BIRC6: variants seen among roughly 807,000 people sequenced by gnomAD.
BIRC6 encodes the protein dual E2 ubiquitin-conjugating enzyme/E3 ubiquitin-protein ligase BIRC6.
Under a neutral mutation model 503.3 loss-of-function variants are expected in BIRC6, and 98 were observed. The observed-to-expected ratio is 0.19, with a 90% CI of 0.17 to 0.23. BIRC6 has a LOEUF of 0.23. Among genes scored for constraint, BIRC6 ranks in the 10% least tolerant of loss-of-function variants. The pLI is 1.00. For synonymous variants in BIRC6, 2,240 were observed against 2,078.7 expected (o/e 1.08, Z -2.11); for missense variants, 5,360 against 5,806.0 (o/e 0.92, Z 2.50).
chr2:32,508,808 G>A (rs2149578238), intron 51 of BIRC6, among the ~76,000 whole-genome samples: 1 of 152,284 alleles, frequency 6.6e-6, no homozygotes, highest in East Asian at 1.9e-4. Context: ...TTTAAGGCCT[G>A]GCTCAGTGGC....
rs116141860 is a variant in BIRC6 at position 32,560,541 on chromosome 2, A to G, written c.13144+11060A>G. 2.7e-3 allele frequency among the ~76,000 whole-genome samples: 404 copies of G among 152,294 alleles called. 6 individuals are homozygous for G. The highest frequency in any genetic ancestry group is 9.5e-3 in the African/African-American group (395 of 41,560). On this transcript the variant is annotated intron_variant, in intron 65 of 73. Transcript: ENST00000421745. ...TCAGAGGAGCTGTGTTGTTTTCTCTATGCCCTTTTGTTTACATGTGAATAT... is the reference window on the plus strand; with the variant it reads ...TCAGAGGAGCTGTGTTGTTTTCTCTGTGCCCTTTTGTTTACATGTGAATAT...
intron 10 of BIRC6, among the ~76,000 whole-genome samples, chr2:32,424,418 A>C (rs1006039066): frequency 2.6e-5 from 4 of 152,066 alleles, no homozygotes; most frequent in Non-Finnish European, 5.9e-5. Context: ...ATGTCCCTAT[A>C]AACATTGGTG....
intron 65 of BIRC6, chr2:32,563,774 C>G (rs1324956057): frequency 6.6e-6 from 1 of 151,564 alleles, no homozygotes; most frequent in Non-Finnish European, 1.5e-5. Context: ...TTTTTTTCAC[C>G]TCATAAAGAA....
chr2:32,445,609 T>G lies in BIRC6; in HGVS notation c.4425T>G (p.Thr1475=). 2 of 1,608,216 alleles carry G rather than the reference T, an allele frequency of 1.2e-6. No homozygotes were observed. Among genetic ancestry groups the G allele is most frequent in the Non-Finnish European group, 8.5e-7 (1 of 1,177,020 alleles). ...GCSTACASLL[T]AVSRQLQDRL... is the part of the protein sequence containing the mutation. Reference sequence around the variant, plus strand: ...GTACAGCTTGTGCATCTTTGCTTACTGCAGTGTCCAGACAGTTACAGGACA... The same window carrying G: ...GTACAGCTTGTGCATCTTTGCTTACGGCAGTGTCCAGACAGTTACAGGACA... The change falls in exon 21 of 74, where the codon ACT becomes ACG. Residue 1475 remains threonine, a synonymous_variant. Transcript: ENST00000421745.
chr2:32,510,050 G>A, intron 52 of BIRC6, 56 bp downstream of exon 52: 1 of 1,572,542 alleles, frequency 6.4e-7, no homozygotes. Context: ...AACAGCAGTT[G>A]AACTGTGCGA....
intron 40 of BIRC6, among the ~76,000 whole-genome samples, chr2:32,486,790 AAAAC>A (rs2051040237): frequency 1.3e-5 from 2 of 152,206 alleles, no homozygotes; most frequent in African/African-American, 4.8e-5. Flanking sequence ...GGAAAAAAGA[AAAAC>A]AGAAGGAATG....
intron 61 of BIRC6, among the ~76,000 whole-genome samples, chr2:32,538,905 C>A (rs945422471): frequency 3.9e-5 from 6 of 152,144 alleles, no homozygotes; most frequent in African/African-American, 1.4e-4. Flanking sequence ...GAGACTCCAT[C>A]TCTATGATTG....
At chr2:32,479,718 T>C in intron 37 of BIRC6, 101 bp downstream of exon 37, 1 of 1,110,814 alleles carries the variant, frequency 9.0e-7, no homozygotes, top group Non-Finnish European at 1.3e-6. Context: ...TATATTTTTC[T>C]ATTAGTTCTT....
intron 26 of BIRC6, 80 bp from the exon 27 acceptor site, chr2:32,467,445 G>A (rs2048679966): frequency 9.1e-7 from 1 of 1,098,340 alleles, no homozygotes. Context: ...ATTTTAAGAT[G>A]AGTGCTCCAA....
chr2:32,516,086 A>G (rs1472189255), intron 55 of BIRC6, among the ~76,000 whole-genome samples: 1 of 152,240 alleles, frequency 6.6e-6, no homozygotes. Flanking sequence ...ATGGACACTG[A>G]TCACTGAGTA....
At chr2:32,487,946 T>C (rs2051193043) in intron 41 of BIRC6, 145 bp downstream of exon 41, 1 of 680,870 alleles carries the variant, frequency 1.5e-6, no homozygotes, top group African/African-American at 1.8e-5. Flanking sequence ...ATACTTTGAT[T>C]ACCAAAGTAA....
At chr2:32,508,908 C>G (rs532031506) in intron 51 of BIRC6, among the ~76,000 whole-genome samples, 6 of 152,058 alleles carry the variant, frequency 3.9e-5, no homozygotes, top group South Asian at 2.1e-4. Context: ...CAGGGCGAAA[C>G]CCCATCACTA....
chr2:32,515,228 C>T lies in BIRC6; in HGVS notation c.10807C>T (p.Leu3603Phe). 1.2e-6 allele frequency: 2 copies of T among 1,613,862 alleles called. No homozygotes were observed. The highest frequency in any genetic ancestry group is 1.1e-5 in the South Asian group (1 of 91,088). Reference sequence around the variant, plus strand: ...TGACTCTAAAAATGCACAAGCACCTCTCGCATTAACTGAATCACATTTGGC... The same window carrying T: ...TGACTCTAAAAATGCACAAGCACCTTTCGCATTAACTGAATCACATTTGGC... ...TDDSKNAQAP[L>F]ALTESHLATL... The change falls in exon 55 of 74, where the codon CTC becomes TTC. Residue 3603 changes from leucine to phenylalanine, a missense_variant. Leu to Phe is a conservative substitution (Grantham distance 22). This residue lies in a region of BIRC6 where 878 missense variants were observed against 928.9 expected (regional missense o/e 0.95). Coordinates refer to ENST00000421745, the MANE Select transcript of BIRC6 (RefSeq NM_016252.4).
At position 32,515,115 on chromosome 2, in the gene BIRC6, G is replaced by A. The variant is rs372162430; in HGVS notation, c.10694G>A (p.Gly3565Glu). 8.1e-6 allele frequency: 13 copies of A among 1,613,884 alleles called. No individual in the cohort carries two copies. Among genetic ancestry groups the A allele is most frequent in the Admixed American group, 1.7e-5 (1 of 59,996 alleles). The change falls in exon 55 of 74, where the codon GGA (glycine) becomes GAA (glutamate). Residue 3565 changes from glycine to glutamate, a missense_variant. Gly to Glu is a moderately conservative substitution (Grantham distance 98). Transcript: ENST00000421745. ...TTTTCTTTGCTCATGGGCTGGATGG[G>A]AATTACCCCTCCTCCAGTGCAATGT... ...NYFSLLMGWM[G>E]ITPPPVQCHH...
Position 32,448,804 on chromosome 2 carries a change from A to ATAT in BIRC6, c.4495_4497dup (p.Tyr1499dup). Reference sequence around the variant, plus strand: ...TTATTTTATTTTTCAGATATGGATTATATAGCTCACCATTTGATCCAGTCC... The same window carrying ATAT: ...TTATTTTATTTTTCAGATATGGATTATATTATAGCTCACCATTTGATCCAGTCC... On this transcript the variant is annotated inframe_insertion, in exon 22 of 74. Coordinates refer to ENST00000421745, the MANE Select transcript of BIRC6 (RefSeq NM_016252.4). The ATAT allele has an allele frequency of 6.2e-7, 1 of 1,608,896 alleles. No homozygotes were observed. Among genetic ancestry groups the ATAT allele is most frequent in the Non-Finnish European group, 8.5e-7 (1 of 1,178,586 alleles).
At position 32,357,307 on chromosome 2, in the gene BIRC6, C is replaced by A; in HGVS notation, c.146C>A (p.Ala49Glu). The change falls in exon 1 of 74, where the codon GCG (alanine) becomes GAG (glutamate). Residue 49 changes from alanine to glutamate, a missense_variant. Transcript: ENST00000421745. The surrounding 1 kb of genome is among the most constrained non-coding windows in gnomAD (Gnocchi z 4.9). ...TGCTCCTCGGCGGCGGGGGCGGGGG[C>A]GGCCGGGGTCTCAGAGTGGCTGGTG... ...PGCSSAAGAG[A>E]AGVSEWLVLR... 6.6e-7 allele frequency: 1 copy of A among 1,526,046 alleles called. No individual in the cohort carries two copies. The highest frequency in any genetic ancestry group is 8.8e-7 in the Non-Finnish European group (1 of 1,139,746). The allele number at this position is 1,526,046 out of a possible 1,614,324, so 94.5% of individuals were successfully genotyped here.
chr2:32,452,134 T>A (rs2046794451), intron 22 of BIRC6, among the ~76,000 whole-genome samples: 1 of 152,188 alleles, frequency 6.6e-6, no homozygotes, highest in Non-Finnish European at 1.5e-5. Flanking sequence ...ATATTCTTTT[T>A]CCAACTACAT....
intron 66 of BIRC6, among the ~76,000 whole-genome samples, chr2:32,588,834 G>T (rs913903534): frequency 6.6e-6 from 1 of 152,092 alleles, no homozygotes; most frequent in Non-Finnish European, 1.5e-5. Flanking sequence ...TATCTATTGT[G>T]AAAATTCATT....
At chr2:32,370,675 A>AT (rs1185614327) in intron 1 of BIRC6, among the ~76,000 whole-genome samples, 2 of 152,146 alleles carry the variant, frequency 1.3e-5, no homozygotes, top group African/African-American at 4.8e-5. Flanking sequence ...CCTTACATTA[A>AT]TTTTGTACCT....
Sources: allele counts gnomAD v4.1 joint callset (sites outside exome capture counted in the v4.1 genomes callset), GRCh38; gene constraint gnomAD v4.1.1; regional missense constraint gnomAD v4.1.1; non-coding constraint Gnocchi (gnomAD v3.1); transcripts MANE v1.5; gene names NCBI Gene and HGNC (gene_info 2026-07-23, HGNC 2026-07-21).